NHERF1: variants seen among roughly 807,000 people sequenced by gnomAD.
NHERF1 encodes NHERF family PDZ scaffold protein 1.
the NHERF1 span, among the ~76,000 whole-genome samples, chr17:74,754,761 G>C: frequency 6.6e-6 from 1 of 152,140 alleles, no homozygotes; most frequent in African/African-American, 2.4e-5. Flanking sequence ...TTATAGGCAT[G>C]AGCCACCACA....
chr17:74,755,716 C>A, the NHERF1 span, among the ~76,000 whole-genome samples: 1 of 152,098 alleles, frequency 6.6e-6, no homozygotes, highest in African/African-American at 2.4e-5. Context: ...CAGTCTCAGG[C>A]AGCACAGGTC....
At chr17:74,763,867 T>C in the NHERF1 span, among the ~76,000 whole-genome samples, 1 of 152,190 alleles carries the variant, frequency 6.6e-6, no homozygotes, top group Non-Finnish European at 1.5e-5. Flanking sequence ...GCAGTGTCAA[T>C]GTGAGGAAAG....
the NHERF1 span, chr17:74,768,635 CG>C: frequency 6.2e-7 from 1 of 1,614,052 alleles, no homozygotes. Context: ...GCAAGAAAAA[CG>C]AACTCTTCAG....
the NHERF1 span, among the ~76,000 whole-genome samples, chr17:74,753,505 T>C: frequency 6.6e-6 from 1 of 152,192 alleles, no homozygotes; most frequent in African/African-American, 2.4e-5. Flanking sequence ...GGGATCTCTT[T>C]CTTTGCTGGC....
At chr17:74,758,116 A>C in the NHERF1 span, among the ~76,000 whole-genome samples, 1 of 152,208 alleles carries the variant, frequency 6.6e-6, no homozygotes, top group East Asian at 1.9e-4. The surrounding 1 kb of genome is among the most constrained non-coding windows in gnomAD (Gnocchi z 4.3). Context: ...AGGAAGGAGG[A>C]GCAGGGAGCG....
chr17:74,763,821 A>C, the NHERF1 span, among the ~76,000 whole-genome samples: 2 of 152,208 alleles, frequency 1.3e-5, no homozygotes, highest in Admixed American at 6.5e-5. Flanking sequence ...AGGAGGCCCA[A>C]GCCCCCAGTC....
At chr17:74,758,286 G>A in the NHERF1 span, among the ~76,000 whole-genome samples, 7 of 152,366 alleles carry the variant, frequency 4.6e-5, no homozygotes, top group South Asian at 1.2e-3. The surrounding 1 kb of genome is among the most constrained non-coding windows in gnomAD (Gnocchi z 4.3). Flanking sequence ...AGGGCGCGGT[G>A]AAGCTCCCTG....
At chr17:74,758,025 C>T in the NHERF1 span, among the ~76,000 whole-genome samples, 1 of 152,188 alleles carries the variant, frequency 6.6e-6, no homozygotes, top group African/African-American at 2.4e-5. This position sits in a 1 kb window ranked among gnomAD's most constrained non-coding sequence, Gnocchi z 4.3. Flanking sequence ...TCTGTAGGGC[C>T]CATCACCATG....
chr17:74,749,771 G>A, the NHERF1 span, among the ~76,000 whole-genome samples: 3 of 152,180 alleles, frequency 2.0e-5, no homozygotes, highest in African/African-American at 7.2e-5. The surrounding 1 kb of genome is among the most constrained non-coding windows in gnomAD (Gnocchi z 5.6). Flanking sequence ...TACTCCTCCT[G>A]TGTGGAGCCC....
At chr17:74,756,108 A>C in the NHERF1 span, among the ~76,000 whole-genome samples, 1 of 148,162 alleles carries the variant, frequency 6.7e-6, no homozygotes, top group Admixed American at 6.8e-5. Context: ...CGCCCAGCTG[A>C]TTTTTGTATT....
At chr17:74,757,937 A>G in the NHERF1 span, among the ~76,000 whole-genome samples, 1 of 152,158 alleles carries the variant, frequency 6.6e-6, no homozygotes, top group Non-Finnish European at 1.5e-5. Flanking sequence ...TGGACACCCA[A>G]GTGGTCTTCC....
At chr17:74,762,757 C>T in the NHERF1 span, among the ~76,000 whole-genome samples, 1 of 152,124 alleles carries the variant, frequency 6.6e-6, no homozygotes, top group African/African-American at 2.4e-5. The surrounding 1 kb of genome is among the most constrained non-coding windows in gnomAD (Gnocchi z 4.2). Context: ...AGGATTTCAC[C>T]ATGTTGGCCA....
chr17:74,757,537 C>G, the NHERF1 span, among the ~76,000 whole-genome samples: 1 of 152,086 alleles, frequency 6.6e-6, no homozygotes, highest in Non-Finnish European at 1.5e-5. Flanking sequence ...GGTGTGGACA[C>G]TGGCTGAGTG....
At chr17:74,757,940 GGTCTTCCTACTCC>G in the NHERF1 span, among the ~76,000 whole-genome samples, 1 of 152,222 alleles carries the variant, frequency 6.6e-6, no homozygotes, top group African/African-American at 2.4e-5. Context: ...ACACCCAAGT[GGTCTTCCTACTCC>G]TCCAGCCCCT....
chr17:74,749,200 GCAGGCCGAGCCGCCGGC>G, the NHERF1 span: 1 of 1,526,572 alleles, frequency 6.6e-7, no homozygotes, highest in Admixed American at 2.0e-5. This position sits in a 1 kb window ranked among gnomAD's most constrained non-coding sequence, Gnocchi z 5.6. Flanking sequence ...AAGCGCCGGG[GCAGGCCGAGCCGCCGGC>G]CGCCGCCGAG....
chr17:74,764,763 C>T, the NHERF1 span, among the ~76,000 whole-genome samples: 1 of 152,234 alleles, frequency 6.6e-6, no homozygotes, highest in East Asian at 1.9e-4. The surrounding 1 kb of genome is among the most constrained non-coding windows in gnomAD (Gnocchi z 4.9). Flanking sequence ...CCCCTCCCCG[C>T]AGTCCCTCCA....
At chr17:74,755,011 G>T in the NHERF1 span, among the ~76,000 whole-genome samples, 1 of 152,150 alleles carries the variant, frequency 6.6e-6, no homozygotes, top group Non-Finnish European at 1.5e-5. Context: ...CGGGTCCCAG[G>T]ACTCTGAGCT....
At chr17:74,766,806 AGTCAAAAAAGTTTGAGAT>A in the NHERF1 span, 11 of 865,520 alleles carry the variant, frequency 1.3e-5, no homozygotes, top group African/African-American at 1.6e-5. Flanking sequence ...GGTGGGTGGT[AGTCAAAAAAGTTTGAGAT>A]GTTGACCCAG....
the NHERF1 span, chr17:74,768,551 C>T: frequency 3.7e-6 from 6 of 1,614,150 alleles, no homozygotes; most frequent in African/African-American, 4.0e-5. Flanking sequence ...TAGACTTCAA[C>T]ATCTCCCTGG....
Sources: allele counts gnomAD v4.1 joint callset (sites outside exome capture counted in the v4.1 genomes callset), GRCh38; gene constraint gnomAD v4.1.1; non-coding constraint Gnocchi (gnomAD v3.1); transcripts MANE v1.5; gene names NCBI Gene and HGNC (gene_info 2026-07-23, HGNC 2026-07-21).